Variants in RAB30 observed in about 807,000 individuals in gnomAD.
RAB30 encodes the protein ras-related protein Rab-30.
In RAB30, 9 loss-of-function variants were observed where a neutral mutation model predicts 25.1. That is an observed-to-expected ratio of 0.36 (90% CI 0.22 to 0.63). RAB30 has a LOEUF of 0.63. Among genes scored for constraint, RAB30 ranks in the 20% least tolerant of loss-of-function variants. RAB30 has a pLI of 0.69. For synonymous variants in RAB30, 77 were observed against 86.4 expected (o/e 0.89, Z 0.60); for missense variants, 140 against 243.5 (o/e 0.58, Z 2.83).
At chr11:83,002,664 G>A (rs1354980217) in intron 1 of RAB30, among the ~76,000 whole-genome samples, 1 of 149,986 alleles carries the variant, frequency 6.7e-6, no homozygotes, top group African/African-American at 2.5e-5. Flanking sequence ...ACCAGGCGTG[G>A]TGGCTCACGC....
chr11:83,023,812 T>C (rs529310147), intron 1 of RAB30, among the ~76,000 whole-genome samples: 22 of 152,246 alleles, frequency 1.4e-4, no homozygotes, highest in Non-Finnish European at 2.8e-4. Flanking sequence ...CCGTGATACG[T>C]CTCACCTCCA....
intron 1 of RAB30, among the ~76,000 whole-genome samples, chr11:83,007,001 G>C (rs1004709397): frequency 2.0e-5 from 3 of 152,246 alleles, no homozygotes; most frequent in Admixed American, 2.0e-4. Flanking sequence ...TTACAGCTTA[G>C]AAATTACTCT....
In RAB30 at chr11:82,976,571, G is replaced by T. The variant is rs1856549813; in HGVS notation, c.*5594C>A. The T allele has an allele frequency of 6.6e-6, 1 of 152,146 alleles. No individual in the cohort carries two copies. The highest frequency in any genetic ancestry group is 2.4e-5 in the African/African-American group (1 of 41,426). 9.4% of individuals were successfully genotyped at this position (152,146 alleles called of 1,614,324 possible). On this transcript the variant is annotated 3_prime_UTR_variant, in exon 5 of 5. Coordinates refer to ENST00000527633, the MANE Select transcript of RAB30 (RefSeq NM_001286060.2). The stretch of plus-strand genomic sequence containing the variant: ...CCAAAAATTCTGCTTTAAATCAATG[G>T]AAAAGTAAAATTTTGGCTCATACCT...
intron 1 of RAB30, among the ~76,000 whole-genome samples, chr11:83,044,639 G>A (rs1412788617): frequency 6.6e-6 from 1 of 152,142 alleles, no homozygotes; most frequent in Non-Finnish European, 1.5e-5. Context: ...ATAAGAAAGA[G>A]AAGAAAATAT....
intron 1 of RAB30, among the ~76,000 whole-genome samples, chr11:83,057,303 A>G (rs1858477704): frequency 6.6e-6 from 1 of 151,974 alleles, no homozygotes; most frequent in Admixed American, 6.6e-5. Context: ...ACTATTTCAG[A>G]CAGAAGTATA....
chr11:83,053,620 C>CAAA (rs36050063), intron 1 of RAB30, among the ~76,000 whole-genome samples: 3 of 144,810 alleles, frequency 2.1e-5, no homozygotes, highest in African/African-American at 5.0e-5. Flanking sequence ...TAAATGCCTT[C>CAAA]AAAAAAAAAA....
chr11:83,052,968 A>C (rs979638847), intron 1 of RAB30, among the ~76,000 whole-genome samples: 3 of 152,182 alleles, frequency 2.0e-5, no homozygotes, highest in African/African-American at 7.2e-5. Context: ...TAGTAAAAAA[A>C]CTTTCCCTGT....
intron 1 of RAB30, among the ~76,000 whole-genome samples, chr11:83,037,825 T>C (rs1315245455): frequency 6.6e-6 from 1 of 152,046 alleles, no homozygotes; most frequent in Non-Finnish European, 1.5e-5. Context: ...TGTTTGGGGG[T>C]TATGATAGAG....
chr11:83,061,565 A>C, intron 1 of RAB30, among the ~76,000 whole-genome samples: 1 of 152,080 alleles, frequency 6.6e-6, no homozygotes, highest in Non-Finnish European at 1.5e-5. Context: ...CTTACTTTCA[A>C]GTGGTTTAGA....
intron 3 of RAB30, among the ~76,000 whole-genome samples, chr11:82,990,425 AT>A (rs1326101685): frequency 1.3e-5 from 2 of 152,260 alleles, no homozygotes; most frequent in African/African-American, 4.8e-5. Context: ...TTAGTAGGGT[AT>A]TAAAGAAGAT....
intron 1 of RAB30, among the ~76,000 whole-genome samples, chr11:83,055,177 G>C (rs1389291451): frequency 6.6e-6 from 1 of 152,180 alleles, no homozygotes; most frequent in Non-Finnish European, 1.5e-5. Context: ...TAGCTCCAAA[G>C]TTGTTAGGGT....
At chr11:82,991,240 C>A (rs114606072) in intron 3 of RAB30, among the ~76,000 whole-genome samples, 114 of 152,344 alleles carry the variant, frequency 7.5e-4, no homozygotes, top group African/African-American at 2.6e-3. Context: ...TGTGGTATCT[C>A]ATGCCTGTAA....
At chr11:83,052,631 G>A (rs967063808) in intron 1 of RAB30, among the ~76,000 whole-genome samples, 4 of 152,210 alleles carry the variant, frequency 2.6e-5, no homozygotes, top group East Asian at 1.9e-4. Context: ...AGGGGAACAC[G>A]AGAGAAGAAG....
intron 1 of RAB30, chr11:83,071,263 T>C (rs1162331908): frequency 6.6e-6 from 1 of 152,264 alleles, no homozygotes; most frequent in Non-Finnish European, 1.5e-5. Flanking sequence ...TCAAATGTTC[T>C]AAAGTAGTGC....
Position 82,979,247 on chromosome 11 carries a change from T to G in RAB30, c.*2918A>C, listed in dbSNP as rs936536564. The G allele has an allele frequency of 1.3e-5, 2 of 152,208 alleles. No individual in the cohort carries two copies. Among genetic ancestry groups the G allele is most frequent in the Admixed American group, 6.5e-5 (1 of 15,274 alleles). 9.4% of individuals were successfully genotyped at this position (152,208 alleles called of 1,614,324 possible). A position where few individuals can be genotyped will look rare whatever the true frequency, so the allele number is the denominator to read the frequency against. ...CTCCATGACATGAGTATCATGCATTTTCACTGGAAACTGAAAAAAGTTTTG... is the reference window on the plus strand; with the variant it reads ...CTCCATGACATGAGTATCATGCATTGTCACTGGAAACTGAAAAAAGTTTTG... On this transcript the variant is annotated 3_prime_UTR_variant, in exon 5 of 5. Coordinates refer to ENST00000527633, the MANE Select transcript of RAB30 (RefSeq NM_001286060.2).
chr11:83,066,633 T>C (rs1858703868), intron 1 of RAB30, among the ~76,000 whole-genome samples: 1 of 152,202 alleles, frequency 6.6e-6, no homozygotes, highest in African/African-American at 2.4e-5. Context: ...TCACAGCAGC[T>C]TCCGCCTCCT....
rs1224364764 is a variant in RAB30 at position 82,980,443 on chromosome 11, A to G, written c.*1722T>C. ...GAAATGCCAGAAATGCTTTATCCACATCATGTCTCTACATGACTAATTTCT... is the reference window on the plus strand; with the variant it reads ...GAAATGCCAGAAATGCTTTATCCACGTCATGTCTCTACATGACTAATTTCT... On this transcript the variant is annotated 3_prime_UTR_variant, in exon 5 of 5. Transcript: ENST00000527633. The G allele has an allele frequency of 1.3e-5, 2 of 152,222 alleles. No individual in the cohort carries two copies. The highest frequency in any genetic ancestry group is 4.8e-5 in the African/African-American group (2 of 41,448). The allele number at this position is 152,222 out of a possible 1,614,324, so 9.4% of individuals were successfully genotyped here. A position where few individuals can be genotyped will look rare whatever the true frequency, so the allele number is the denominator to read the frequency against.
chr11:83,035,356 G>A (rs537228608), intron 1 of RAB30: 22 of 152,276 alleles, frequency 1.4e-4, no homozygotes, highest in African/African-American at 5.1e-4. Context: ...GCAATCTTCA[G>A]TGGAGGCACA....
chr11:82,992,622 A>T (rs1482314860), intron 3 of RAB30, among the ~76,000 whole-genome samples: 1 of 152,040 alleles, frequency 6.6e-6, no homozygotes, highest in East Asian at 1.9e-4. Flanking sequence ...ATCAAGGTAG[A>T]ACTCTAAAAT....
Sources: allele counts gnomAD v4.1 joint callset (sites outside exome capture counted in the v4.1 genomes callset), GRCh38; gene constraint gnomAD v4.1.1; transcripts MANE v1.5; gene names NCBI Gene and HGNC (gene_info 2026-07-23, HGNC 2026-07-21).